Variants in DST observed in about 807,000 individuals in gnomAD.
DST encodes the protein dystonin.
In DST, 253 loss-of-function variants were observed where a neutral mutation model predicts 875.2. That is an observed-to-expected ratio of 0.29 (90% CI 0.26 to 0.32). DST has a LOEUF of 0.32. Ranked by LOEUF, DST falls within the 10% of genes least tolerant of loss-of-function variation. DST has a pLI of 1.00. For missense variants in DST, 8,287 were observed against 9,111.6 expected (o/e 0.91, Z 3.68); for synonymous variants, 3,124 against 3,197.1 (o/e 0.98, Z 0.77).
At chr6:56,889,371 A>G (rs980326668) in intron 3 of DST, among the ~76,000 whole-genome samples, 2 of 152,150 alleles carry the variant, frequency 1.3e-5, no homozygotes, top group African/African-American at 4.8e-5. Context: ...GGATCACCCA[A>G]TCACCTGTGT....
At chr6:56,729,063 A>G (rs1040841796) in intron 5 of DST, among the ~76,000 whole-genome samples, 1 of 152,060 alleles carries the variant, frequency 6.6e-6, no homozygotes, top group African/African-American at 2.4e-5. Flanking sequence ...CATTAACAAG[A>G]GCTCAATCTG....
chr6:56,872,565 A>T (rs1369577212), intron 3 of DST, among the ~76,000 whole-genome samples: 1 of 152,144 alleles, frequency 6.6e-6, no homozygotes, highest in African/African-American at 2.4e-5. Context: ...ACTTTTTAGG[A>T]ATAAATAGAC....
At chr6:56,595,710 G>A (rs1586077271) in intron 47 of DST, among the ~76,000 whole-genome samples, 4 of 151,848 alleles carry the variant, frequency 2.6e-5, no homozygotes, top group Admixed American at 2.6e-4. Context: ...TGGGCACATA[G>A]TAAATATTTT....
intron 3 of DST, among the ~76,000 whole-genome samples, chr6:56,890,733 T>C (rs1029054760): frequency 1.2e-4 from 18 of 152,192 alleles, no homozygotes; most frequent in African/African-American, 3.9e-4. Context: ...TTCAAGAGGA[T>C]GGTCTGACTG....
In DST at chr6:56,604,184, A is replaced by C. The variant is rs933524978; in HGVS notation, c.10444T>G (p.Ser3482Ala). The C allele has an allele frequency of 6.9e-6, 11 of 1,601,372 alleles. No homozygotes were observed. Among genetic ancestry groups the C allele is most frequent in the Non-Finnish European group, 8.5e-6 (10 of 1,172,898 alleles). The change falls in exon 40 of 104, where the codon TCT becomes GCT. Residue 3482 changes from serine (S) to alanine (A), a missense_variant. By Grantham distance (99) the Ser-to-Ala change is moderately conservative. This residue lies in a region of DST where 3,138 missense variants were observed against 3,116.6 expected (regional missense o/e 1.01). Coordinates refer to ENST00000680361, the MANE Select transcript of DST (RefSeq NM_001374736.1). ...TCAAGCTGCAGTGGAAGTACTTTAGACGTAATGCCTCTTTTCTCTAGGTCA... is the reference window on the plus strand; with the variant it reads ...TCAAGCTGCAGTGGAAGTACTTTAGCCGTAATGCCTCTTTTCTCTAGGTCA... ...EYDLEKRGIT[S>A]KVLPLQLENI...
At chr6:56,684,374 T>C (rs1288460245) in intron 9 of DST, among the ~76,000 whole-genome samples, 4 of 152,182 alleles carry the variant, frequency 2.6e-5, no homozygotes, top group African/African-American at 9.7e-5. Flanking sequence ...TTTATGTCAA[T>C]AGTAGAAAAA....
Position 56,555,762 on chromosome 6 carries a change from G to A in DST, c.14719C>T (p.Pro4907Ser), listed in dbSNP as rs111918079. 3 of 1,593,806 alleles carry A rather than the reference G, an allele frequency of 1.9e-6. No individual in the cohort carries two copies. The change falls in exon 60 of 104, where the codon CCT (proline) becomes TCT (serine). Residue 4907 changes from proline (P) to serine (S), a missense_variant. By Grantham distance (74) the Pro-to-Ser change is moderately conservative. This residue lies in a region of DST where 1,513 missense variants were observed against 1,677.8 expected (regional missense o/e 0.90). Coordinates refer to ENST00000680361, the MANE Select transcript of DST (RefSeq NM_001374736.1). ...CCACGTAAAGAAGGGTCTTCTCCAG[G>A]CCTGCTCAGAATGCCCTGACCAGCT... is the stretch of plus-strand genomic sequence containing the variant. ...TAAGQGILSR[P>S]GEDPSLRGIV...
intron 2 of DST, among the ~76,000 whole-genome samples, chr6:56,950,075 G>A (rs1821581779): frequency 6.6e-6 from 1 of 152,098 alleles, no homozygotes; most frequent in Non-Finnish European, 1.5e-5. Context: ...TTATTCTCTG[G>A]GCTGTGAGTG....
At chr6:56,717,272 ACT>A (rs2152903576) in intron 5 of DST, among the ~76,000 whole-genome samples, 1 of 152,244 alleles carries the variant, frequency 6.6e-6, no homozygotes, top group Admixed American at 6.5e-5. Context: ...TAGGGTTCAC[ACT>A]CTTATGAGAA....
chr6:56,859,454 C>T (rs1257055911), intron 3 of DST, among the ~76,000 whole-genome samples: 1 of 152,034 alleles, frequency 6.6e-6, no homozygotes, highest in Non-Finnish European at 1.5e-5. Context: ...GAAATAGAGA[C>T]ATCAGAACTA....
At chr6:56,470,575 GA>G (rs2094835716) in intron 95 of DST, among the ~76,000 whole-genome samples, 1 of 151,908 alleles carries the variant, frequency 6.6e-6, no homozygotes, top group African/African-American at 2.4e-5. Context: ...TAAATTATAT[GA>G]AATTTACCTT....
chr6:56,526,314 C>T, intron 69 of DST, 47 bp downstream of exon 69: 1 of 1,584,924 alleles, frequency 6.3e-7, no homozygotes, highest in Non-Finnish European at 8.6e-7. Context: ...GCTCCAAGAA[C>T]AGCTGGAGAA....
At chr6:56,659,063 A>G (rs922819095) in intron 10 of DST, among the ~76,000 whole-genome samples, 7 of 152,228 alleles carry the variant, frequency 4.6e-5, no homozygotes, top group Admixed American at 3.9e-4. Context: ...AAAATGCATT[A>G]AGGAGGATTA....
chr6:56,738,902 C>T (rs1274899266), intron 4 of DST, among the ~76,000 whole-genome samples: 3 of 151,966 alleles, frequency 2.0e-5, no homozygotes, highest in Admixed American at 6.6e-5. Flanking sequence ...GGATTATAGG[C>T]GTGAACCACT....
At chr6:56,489,780 A>G (rs2095675404) in intron 85 of DST, among the ~76,000 whole-genome samples, 171 bp from the exon 86 acceptor site, 1 of 152,204 alleles carries the variant, frequency 6.6e-6, no homozygotes, top group Non-Finnish European at 1.5e-5. Flanking sequence ...TTACAAAAAA[A>G]GTCTTGATAA....
At chr6:56,674,406 T>C (rs1395146134) in intron 9 of DST, among the ~76,000 whole-genome samples, 1 of 152,072 alleles carries the variant, frequency 6.6e-6, no homozygotes, top group Admixed American at 6.6e-5. Context: ...CAAGTGATTC[T>C]CCTGCCTCAG....
chr6:56,896,506 C>G lies in DST; in HGVS notation c.417+3915G>C, dbSNP rs1791361017. 2.0e-5 allele frequency among the ~76,000 whole-genome samples: 3 copies of G among 152,170 alleles called. 1 individual carries two copies. The South Asian group carries it at 6.2e-4, about 32-fold the overall frequency. On this transcript the variant is annotated intron_variant, in intron 3 of 103. Transcript: ENST00000680361. ...AATTAAACCTCTTTTTCTTCCCAGT[C>G]TCAGGTATGTCTTTATCAGCAGCAT...
intron 3 of DST, among the ~76,000 whole-genome samples, chr6:56,854,476 C>A (rs902590246): frequency 1.3e-5 from 2 of 151,880 alleles, no homozygotes; most frequent in Non-Finnish European, 2.9e-5. Context: ...ATATGGATAC[C>A]ATAGTCTACT....
intron 4 of DST, among the ~76,000 whole-genome samples, chr6:56,816,821 T>C (rs1302287472): frequency 6.6e-6 from 1 of 152,034 alleles, no homozygotes; most frequent in Non-Finnish European, 1.5e-5. Flanking sequence ...GGCTGATTTT[T>C]TTTTTTTTGC....
Sources: gnomAD v4.1 joint callset for allele counts (sites outside exome capture counted in the v4.1 genomes callset) on GRCh38, gnomAD v4.1.1 for gene constraint, gnomAD v4.1.1 regional missense constraint, MANE v1.5 for transcripts, NCBI Gene and HGNC (gene_info 2026-07-23, HGNC 2026-07-21) for gene names.